The following ROS1 variants were observed in gnomAD, a reference collection of about 807,000 sequenced individuals.
The protein encoded by ROS1 is ROS proto-oncogene 1, receptor tyrosine kinase.
A neutral mutation model predicts 273.5 loss-of-function variants in ROS1; 263 were observed. The ratio of observed to expected loss-of-function variants is 0.96; its 90% confidence interval spans 0.87 to 1.06. ROS1 has a LOEUF of 1.06. ROS1 is among the 50% of genes least tolerant of loss of function. The pLI, the probability that ROS1 is intolerant of heterozygous loss-of-function variation, is 0.00. For synonymous variants in ROS1, 1,008 were observed against 954.1 expected (o/e 1.06, Z -1.04); for missense variants, 2,833 against 2,751.1 (o/e 1.03, Z -0.67).
chr6:117,414,481 G>A (rs1382930352), intron 4 of ROS1, 38 bp downstream of exon 4: 1 of 741,178 alleles, frequency 1.3e-6, no homozygotes, highest in Non-Finnish European at 2.5e-6. Context: ...ATGAAGACAT[G>A]TGGCTTGATT....
chr6:117,352,735 C>A (rs186833257), intron 27 of ROS1, among the ~76,000 whole-genome samples: 3 of 152,226 alleles, frequency 2.0e-5, no homozygotes, highest in Admixed American at 6.5e-5. Context: ...AGAGGCCAGG[C>A]AGAGAGAACA....
intron 31 of ROS1, 61 bp downstream of exon 31, chr6:117,341,074 T>C (rs2128621193): frequency 8.9e-7 from 1 of 1,128,240 alleles, no homozygotes; most frequent in Non-Finnish European, 1.3e-6. Flanking sequence ...TCTAGATGCA[T>C]GAAAAAGCCC....
At chr6:117,384,512 A>T (rs539206876) in intron 16 of ROS1, among the ~76,000 whole-genome samples, 86 of 152,340 alleles carry the variant, frequency 5.6e-4, no homozygotes, top group Middle Eastern at 3.4e-3. Context: ...ACGCATTGGT[A>T]GTAGATAAAT....
chr6:117,395,079 C>A (rs1375693150), intron 9 of ROS1, among the ~76,000 whole-genome samples: 5 of 152,082 alleles, frequency 3.3e-5, no homozygotes, highest in Admixed American at 3.3e-4. Context: ...AGGTGGTCCA[C>A]CCCAGGCCAG....
intron 27 of ROS1, among the ~76,000 whole-genome samples, chr6:117,349,603 TTTG>T (rs1429070723): frequency 1.3e-5 from 2 of 152,050 alleles, no homozygotes; most frequent in East Asian, 3.8e-4. Flanking sequence ...ATCTACCATA[TTTG>T]TTATTATTTT....
intron 29 of ROS1, among the ~76,000 whole-genome samples, chr6:117,342,196 A>G (rs1379880012): frequency 1.3e-5 from 2 of 152,124 alleles, no homozygotes; most frequent in African/African-American, 2.4e-5. Context: ...GTTGCTTTCT[A>G]TTTTAATAGA....
intron 18 of ROS1, among the ~76,000 whole-genome samples, chr6:117,371,043 G>A (rs1033316174): frequency 1.1e-4 from 17 of 152,200 alleles, no homozygotes; most frequent in Admixed American, 1.0e-3. Context: ...TAAATGTAAA[G>A]ACTCAGATCA....
chr6:117,344,122 G>T lies in ROS1; in HGVS notation c.4444C>A (p.Leu1482Met). The T allele has an allele frequency of 6.2e-7, 1 of 1,614,038 alleles. No homozygotes were observed. The change falls in exon 28 of 44, where the codon CTG becomes ATG. Residue 1482 changes from leucine (L) to methionine (M), a missense_variant. Physicochemically the swap from Leu to Met is conservative, Grantham distance 15 (BLOSUM62 2). Transcript: ENST00000368507. ...TCATTAACTTCTGCATAATAAACCA[G>T]GTATGTTGGAGTAGGGCTGGTGATG... The part of the protein sequence containing the change: ...YGITSPTPTY[L>M]VYYAEVNDRK...
intron 13 of ROS1, among the ~76,000 whole-genome samples, chr6:117,388,392 A>T (rs1163679399): frequency 6.6e-6 from 1 of 151,536 alleles, no homozygotes; most frequent in African/African-American, 2.4e-5. Context: ...CCCAATCAAT[A>T]AAAAAAAATT....
intron 17 of ROS1, among the ~76,000 whole-genome samples, chr6:117,382,658 AG>A (rs932093072): frequency 2.6e-5 from 4 of 152,150 alleles, no homozygotes; most frequent in African/African-American, 9.6e-5. Context: ...TGCTTGTAAA[AG>A]CTGAGGAAGT....
chr6:117,309,501 A>C (rs928117187), intron 41 of ROS1, among the ~76,000 whole-genome samples: 1 of 152,134 alleles, frequency 6.6e-6, no homozygotes, highest in South Asian at 2.1e-4. Flanking sequence ...CATGAATAAA[A>C]ATTGGCAGCA....
At chr6:117,348,478 T>G (rs933637963) in intron 27 of ROS1, among the ~76,000 whole-genome samples, 1 of 151,980 alleles carries the variant, frequency 6.6e-6, no homozygotes, top group African/African-American at 2.4e-5. Context: ...CTCTCTTTTT[T>G]TCTTAGCCTG....
chr6:117,419,010 G>A (rs72969431), intron 1 of ROS1, among the ~76,000 whole-genome samples: 19,046 of 152,156 alleles, frequency 0.13, 1,311 homozygotes, highest in African/African-American at 0.16. Context: ...TAAATTGCTC[G>A]TTATCTCTCT....
At position 117,321,413 on chromosome 6, in the gene ROS1, C is replaced by T. The variant is rs2128563819; in HGVS notation, c.5624-19G>A. 1 of 1,570,318 alleles carries T rather than the reference C, an allele frequency of 6.4e-7. No homozygotes were observed. The highest frequency in any genetic ancestry group is 2.3e-5 in the East Asian group (1 of 44,104). On this transcript the variant is annotated intron_variant, in intron 35 of 43. Transcript: ENST00000368507. ...TGCCAGACTATAAAGGAAAAAATGACATAATTTACAAAATAAAATATTGCT... is the reference window on the plus strand; with the variant it reads ...TGCCAGACTATAAAGGAAAAAATGATATAATTTACAAAATAAAATATTGCT...
chr6:117,325,751 C>T (rs552815403), intron 34 of ROS1, among the ~76,000 whole-genome samples: 2 of 152,034 alleles, frequency 1.3e-5, no homozygotes, highest in Admixed American at 6.6e-5. Flanking sequence ...ACATATGGCA[C>T]TGAGATTTCC....
In ROS1 at chr6:117,394,274, G is replaced by A. The variant is rs1426852418; in HGVS notation, c.1079C>T (p.Ala360Val). The change falls in exon 11 of 44, where the codon GCC becomes GTC. Residue 360 changes from alanine (A) to valine (V), a missense_variant. Coordinates refer to ENST00000368507, the MANE Select transcript of ROS1 (RefSeq NM_001378902.1). ...EGTLIWAKKA[A>V]NMSDVSDLRI... The stretch of plus-strand genomic sequence containing the variant: ...CAGGTCAGATACATCAGACATGTTG[G>A]CAGCCTTCTTCGCCCATATGAGAGT... The A allele has an allele frequency of 6.2e-7, 1 of 1,610,382 alleles. No individual in the cohort carries two copies. Among genetic ancestry groups the A allele is most frequent in the Non-Finnish European group, 8.5e-7 (1 of 1,178,714 alleles).
At chr6:117,393,845 C>T (rs1435802213) in intron 11 of ROS1, among the ~76,000 whole-genome samples, 1 of 152,156 alleles carries the variant, frequency 6.6e-6, no homozygotes. Flanking sequence ...TAACTTTGAT[C>T]ATGACTGGCA....
chr6:117,340,672 C>T (rs186605582), intron 31 of ROS1, among the ~76,000 whole-genome samples: 45 of 152,176 alleles, frequency 3.0e-4, no homozygotes, highest in African/African-American at 9.6e-4. Context: ...TTAAAGTTTG[C>T]AAGCCAACAA....
At chr6:117,353,240 A>AT in intron 26 of ROS1, 74 bp from the exon 27 acceptor site, 1 of 1,082,212 alleles carries the variant, frequency 9.2e-7, no homozygotes, top group Non-Finnish European at 1.3e-6. Context: ...AATGTATGAA[A>AT]TTTTTTCTAT....
Sources: allele counts gnomAD v4.1 joint callset (sites outside exome capture counted in the v4.1 genomes callset), GRCh38; gene constraint gnomAD v4.1.1; transcripts MANE v1.5; gene names NCBI Gene and HGNC (gene_info 2026-07-23, HGNC 2026-07-21).